The following MAP3K7 variants were observed in gnomAD, a reference collection of about 807,000 sequenced individuals.
MAP3K7 encodes mitogen-activated protein kinase kinase kinase 7.
A neutral mutation model predicts 84.8 loss-of-function variants in MAP3K7; 21 were observed. That is an observed-to-expected ratio of 0.25 (90% CI 0.18 to 0.36). The LOEUF (loss-of-function observed/expected upper bound fraction) is 0.36. Ranked by LOEUF, MAP3K7 falls within the 10% of genes least tolerant of loss-of-function variation. The probability of loss-of-function intolerance (pLI) is 1.00; values close to 1 mark genes in which losing one functional copy is unlikely to be tolerated. For missense variants in MAP3K7, 503 were observed against 747.7 expected (o/e 0.67, Z 3.82); for synonymous variants, 241 against 247.7 (o/e 0.97, Z 0.25).
At chr6:90,571,915 TAA>T (rs35467094) in intron 1 of MAP3K7, 108 bp from the exon 2 acceptor site, 23,866 of 382,792 alleles carry the variant, frequency 0.062, no homozygotes, top group Middle Eastern at 0.085. Context: ...GACTTTAAAT[TAA>T]AAAAAAAAAA....
intron 14 of MAP3K7, among the ~76,000 whole-genome samples, chr6:90,522,457 G>A (rs1775183110): frequency 6.6e-6 from 1 of 152,108 alleles, no homozygotes; most frequent in Admixed American, 6.6e-5. Flanking sequence ...AGGGGGTTCA[G>A]AAATCAAAAA....
At position 90,544,553 on chromosome 6, in the gene MAP3K7, T is replaced by C; in HGVS notation, c.1290A>G (p.Ser430=). The change falls in exon 12 of 17, where the codon TCA becomes TCG. Residue 430 remains serine (S), a splice_region_variant and synonymous_variant. Transcript: ENST00000369329. ...NILDVPEIVI[S]GNGQPRRRSI... is the part of the protein sequence containing the mutation. The stretch of plus-strand genomic sequence containing the variant: ...ACCAACTCAGGTGGTCTATGATACC[T>C]GATATGACGATCTCAGGGACATCCA... 1 of 1,612,182 alleles carries C rather than the reference T, an allele frequency of 6.2e-7. No individual in the cohort carries two copies. Among genetic ancestry groups the C allele is most frequent in the Non-Finnish European group, 8.5e-7 (1 of 1,178,638 alleles).
intron 11 of MAP3K7, 118 bp downstream of exon 11, chr6:90,547,140 T>G (rs1776026239): frequency 9.3e-7 from 1 of 1,072,554 alleles, no homozygotes; most frequent in African/African-American, 1.6e-5. Context: ...ATTGTAAACC[T>G]ACTTCCTATT....
intron 9 of MAP3K7, among the ~76,000 whole-genome samples, chr6:90,550,035 C>T (rs971695190): frequency 4.6e-5 from 7 of 152,222 alleles, no homozygotes; most frequent in South Asian, 2.1e-4. Flanking sequence ...CTTCACATTT[C>T]GGAAAACTAA....
At chr6:90,534,603 C>CTGAGAATT (rs564474303) in intron 13 of MAP3K7, among the ~76,000 whole-genome samples, 52 of 152,284 alleles carry the variant, frequency 3.4e-4, no homozygotes, top group South Asian at 8.3e-4. Context: ...CAGCGTTTTA[C>CTGAGAATT]TACCTGAAGG....
intron 13 of MAP3K7, among the ~76,000 whole-genome samples, chr6:90,526,282 TGAA>T (rs1327259922): frequency 6.6e-6 from 1 of 152,142 alleles, no homozygotes; most frequent in African/African-American, 2.4e-5. Flanking sequence ...GCCTAGCAAA[TGAA>T]GAATACACAT....
chr6:90,540,415 T>C (rs1055339981), intron 12 of MAP3K7, among the ~76,000 whole-genome samples: 1 of 151,848 alleles, frequency 6.6e-6, no homozygotes, highest in African/African-American at 2.4e-5. Context: ...AAGAAATAAA[T>C]TTATCTATGA....
intron 13 of MAP3K7, among the ~76,000 whole-genome samples, chr6:90,531,796 TA>T (rs1176595094): frequency 6.6e-6 from 1 of 151,460 alleles, no homozygotes; most frequent in Non-Finnish European, 1.5e-5. Flanking sequence ...CCACTAAAAA[TA>T]AAACAAAAAT....
At chr6:90,581,145 A>G (rs1381662488) in intron 1 of MAP3K7, among the ~76,000 whole-genome samples, 1 of 152,212 alleles carries the variant, frequency 6.6e-6, no homozygotes, top group East Asian at 1.9e-4. Flanking sequence ...ATGTAAGATG[A>G]CTCCATTCCT....
At chr6:90,572,542 G>A (rs2127985351) in intron 1 of MAP3K7, among the ~76,000 whole-genome samples, 1 of 151,290 alleles carries the variant, frequency 6.6e-6, no homozygotes, top group Non-Finnish European at 1.5e-5. Context: ...ATGAGTAGCT[G>A]GTATCCTGAC....
At chr6:90,539,515 T>C (rs150885099) in intron 12 of MAP3K7, among the ~76,000 whole-genome samples, 71 of 152,000 alleles carry the variant, frequency 4.7e-4, no homozygotes, top group Non-Finnish European at 8.7e-4. Context: ...TTGCCAGATC[T>C]AGAAAAACTC....
At chr6:90,548,596 CAT>C in intron 9 of MAP3K7, among the ~76,000 whole-genome samples, 1 of 152,120 alleles carries the variant, frequency 6.6e-6, no homozygotes, top group Admixed American at 6.6e-5. Flanking sequence ...AGATGGAAAA[CAT>C]TATGAGCCAA....
At chr6:90,558,834 C>T (rs1010286924) in intron 5 of MAP3K7, among the ~76,000 whole-genome samples, 6 of 152,152 alleles carry the variant, frequency 3.9e-5, no homozygotes, top group African/African-American at 7.2e-5. Flanking sequence ...CATACTGTAA[C>T]GAGGAGAAAA....
chr6:90,555,911 G>GTA (rs772195934), intron 6 of MAP3K7, among the ~76,000 whole-genome samples: 18 of 152,180 alleles, frequency 1.2e-4, no homozygotes, highest in Admixed American at 6.5e-5. Context: ...TTTAACATAT[G>GTA]TATATTGTCT....
At chr6:90,579,705 T>C (rs1777205569) in intron 1 of MAP3K7, among the ~76,000 whole-genome samples, 1 of 152,238 alleles carries the variant, frequency 6.6e-6, no homozygotes, top group African/African-American at 2.4e-5. Context: ...TCTCACATTT[T>C]AGAAAGGTTT....
chr6:90,536,688 T>C (rs1775691490), intron 12 of MAP3K7: 1 of 302,120 alleles, frequency 3.3e-6, no homozygotes. Context: ...CTGAACTCTC[T>C]TCCACCATCT....
intron 6 of MAP3K7, among the ~76,000 whole-genome samples, chr6:90,555,137 T>C (rs1582207146): frequency 6.6e-6 from 1 of 152,366 alleles, no homozygotes; most frequent in East Asian, 1.9e-4. Context: ...AAACCTAGCA[T>C]ATAATTTACA....
rs34631230 is a variant in MAP3K7, at chr6:90,516,567, G to A, written c.1755C>T (p.Tyr585=). Residue 585 remains tyrosine, a synonymous_variant, in exon 17 of 17, where the codon TAC becomes TAT. Transcript: ENST00000369329. The part of the protein sequence containing the change: ...LDENKSLSTY[Y]QQCKKQLEVI... Reference sequence around the variant, plus strand: ...CCTCTAGTTGTTTTTTGCATTGCTGGTAGTAAGTAGAAAGGCTTTTGTTTT... The same window carrying A: ...CCTCTAGTTGTTTTTTGCATTGCTGATAGTAAGTAGAAAGGCTTTTGTTTT... The A allele has an allele frequency of 4.2e-4, 680 of 1,612,578 alleles. 2 individuals carry two copies. The African/African-American group carries it at 6.3e-3, about 15-fold the overall frequency.
intron 1 of MAP3K7, among the ~76,000 whole-genome samples, chr6:90,585,621 T>TTTTTTTTTTTTTTTTTTTTTTTTTTTTG: frequency 6.6e-6 from 1 of 152,336 alleles, no homozygotes; most frequent in African/African-American, 2.4e-5. Flanking sequence ...GTTTTTACTT[T>TTTTTTTTTTTTTTTTTTTTTTTTTTTTG]TCTAAATTTT....
Sources: gnomAD v4.1 joint callset for allele counts (sites outside exome capture counted in the v4.1 genomes callset) on GRCh38, gnomAD v4.1.1 for gene constraint, MANE v1.5 for transcripts, NCBI Gene and HGNC (gene_info 2026-07-23, HGNC 2026-07-21) for gene names.